TOP2B: variants seen among roughly 807,000 people sequenced by gnomAD.
TOP2B encodes DNA topoisomerase II beta.
Under a neutral mutation model 193.5 loss-of-function variants are expected in TOP2B, and 51 were observed. The ratio of observed to expected loss-of-function variants is 0.26; its 90% CI spans 0.21 to 0.33. TOP2B has a LOEUF of 0.33. Among genes scored for constraint, TOP2B ranks in the 10% least tolerant of loss-of-function variants. The pLI, the probability that TOP2B is intolerant of heterozygous loss-of-function variation, is 1.00. For synonymous variants in TOP2B, 634 were observed against 635.7 expected, an observed-to-expected ratio of 1.00 and a Z score of 0.04; for missense variants, 1,378 against 1,909.3, an observed-to-expected ratio of 0.72 and a Z score of 5.19.
chr3:25,598,237 A>AGTC lies in TOP2B; in HGVS notation c.*67_*69dup, dbSNP rs1281564320. The AGTC allele has an allele frequency of 2.0e-6, 3 of 1,464,066 alleles. No individual in the cohort carries two copies. The highest frequency in any genetic ancestry group is 2.8e-6 in the Non-Finnish European group (3 of 1,086,836). 90.7% of individuals were successfully genotyped at this position (1,464,066 alleles called of 1,614,324 possible). ...CATTAAAATAAGCCAGATGTACAAA[A>AGTC]GTCTGAGACAGAGAAGACAAAAGGA... On this transcript the variant is annotated 3_prime_UTR_variant, in exon 36 of 36. Transcript: ENST00000264331.
chr3:25,646,858 G>A (rs570010700), intron 1 of TOP2B, among the ~76,000 whole-genome samples: 21 of 151,980 alleles, frequency 1.4e-4, no homozygotes, highest in African/African-American at 3.9e-4. Flanking sequence ...AAACTCAAAC[G>A]TTAATTATAA....
chr3:25,649,883 A>C (rs1295526806), intron 1 of TOP2B, among the ~76,000 whole-genome samples: 1 of 152,150 alleles, frequency 6.6e-6, no homozygotes, highest in Non-Finnish European at 1.5e-5. Flanking sequence ...AAAAATAAAA[A>C]ATATAAATTT....
chr3:25,602,418 A>AAAAAAAAAAAAAAAAAG (rs1559490134), intron 33 of TOP2B, among the ~76,000 whole-genome samples: 1 of 105,042 alleles, frequency 9.5e-6, no homozygotes, highest in Non-Finnish European at 1.9e-5. Flanking sequence ...AAGAAAAAGA[A>AAAAAAAAAAAAAAAAAG]AAAAAAAAAA....
intron 25 of TOP2B, chr3:25,615,950 C>T (rs1050140454): frequency 1.3e-5 from 2 of 157,924 alleles, no homozygotes; most frequent in African/African-American, 4.8e-5. Flanking sequence ...GATTTTTATA[C>T]TGGTGAGTGA....
rs529559347 is a variant in TOP2B at position 25,664,378 on chromosome 3, C to A, written c.-81G>T. 2.1e-5 allele frequency: 28 copies of A among 1,356,464 alleles called. No homozygotes were observed. The East Asian group carries it at 3.5e-4, about 17-fold the overall frequency. The allele number at this position is 1,356,464 out of a possible 1,614,324, so 84.0% of individuals were successfully genotyped here. ...TGCGGGCCGCTGGGCCCCGCCGCTC[C>A]GCACCCACCGCTCCACTCGCCGCAC... On this transcript the variant is annotated 5_prime_UTR_variant, in exon 1 of 36. Transcript: ENST00000264331.
At chr3:25,645,538 A>G in intron 1 of TOP2B, 68 bp from the exon 2 acceptor site, 1 of 1,201,434 alleles carries the variant, frequency 8.3e-7, no homozygotes, top group Non-Finnish European at 1.1e-6. Context: ...TGGACACACG[A>G]CATGGGTTTT....
rs1357373192 is a variant in TOP2B at position 25,633,863 on chromosome 3, A to C, written c.1004T>G (p.Val335Gly). ...SEKGFQQISF[V>G]NSIATTKGGR... The stretch of plus-strand genomic sequence containing the variant: ...TACTTTTGTAGTTGCAATACTATTT[A>C]CAAAGCTGATTTGCTGGAATCCTTT... Residue 335 changes from valine to glycine, a missense_variant, in exon 8 of 36, where the codon GTA (valine) becomes GGA (glycine). Coordinates refer to ENST00000264331, the MANE Select transcript of TOP2B (RefSeq NM_001330700.2). 6.2e-7 allele frequency: 1 copy of C among 1,612,124 alleles called. No homozygotes were observed. Among genetic ancestry groups the C allele is most frequent in the Non-Finnish European group, 8.5e-7 (1 of 1,179,030 alleles).
chr3:25,661,450 A>G (rs1158935832), intron 1 of TOP2B, among the ~76,000 whole-genome samples: 3 of 152,238 alleles, frequency 2.0e-5, no homozygotes, highest in Non-Finnish European at 2.9e-5. Context: ...AAGTCATATA[A>G]CTGTATTCTA....
At position 25,598,334 on chromosome 3, in the gene TOP2B, A is replaced by ATCT. The variant is rs767895836; in HGVS notation, c.4851_4853dup (p.Glu1617dup). On this transcript the variant is annotated inframe_insertion, in exon 36 of 36. Coordinates refer to ENST00000264331, the MANE Select transcript of TOP2B (RefSeq NM_001330700.2). The stretch of plus-strand genomic sequence containing the variant: ...AATTAAACATTGCAAAATCAACATC[A>ATCT]TCTTCTTCTTCATCAGACTCTGCAA... The ATCT allele has an allele frequency of 5.0e-6, 8 of 1,610,408 alleles. No homozygotes were observed. Among genetic ancestry groups the ATCT allele is most frequent in the African/African-American group, 2.7e-5 (2 of 74,926 alleles).
In TOP2B at chr3:25,630,095, T is replaced by C. The variant is rs1251881428; in HGVS notation, c.1623A>G (p.Lys541=). Residue 541 remains lysine (K), a synonymous_variant, in exon 13 of 36, where the codon AAA becomes AAG. Transcript: ENST00000264331. ...TCAGAGATTCTGCATCATCGTAACT[T>C]TTCTTATATTGTAGACCAACTATTT... ...IIKIVGLQYK[K]SYDDAESLKT... 6.2e-7 allele frequency: 1 copy of C among 1,604,828 alleles called. No homozygotes were observed. Among genetic ancestry groups the C allele is most frequent in the African/African-American group, 1.3e-5 (1 of 74,724 alleles).
chr3:25,605,980 T>A, intron 32 of TOP2B, 63 bp downstream of exon 32: 1 of 919,146 alleles, frequency 1.1e-6, no homozygotes, highest in Non-Finnish European at 1.5e-6. Flanking sequence ...ATTTATTTAC[T>A]GTTTTCTCTC....
chr3:25,623,996 T>C (rs962683786), intron 20 of TOP2B, among the ~76,000 whole-genome samples: 5 of 152,318 alleles, frequency 3.3e-5, no homozygotes, highest in African/African-American at 1.2e-4. Flanking sequence ...TGATTTAATA[T>C]TGATAACTTT....
chr3:25,620,207 A>G, intron 22 of TOP2B, 145 bp from the exon 23 acceptor site: 1 of 611,132 alleles, frequency 1.6e-6, no homozygotes, highest in Non-Finnish European at 2.8e-6. Context: ...TCCAATCAGT[A>G]TAGAAGGCAA....
intron 33 of TOP2B, among the ~76,000 whole-genome samples, chr3:25,602,417 A>AAAAAAAAAAAAAAG (rs1702123776): frequency 7.2e-5 from 5 of 69,822 alleles, no homozygotes; most frequent in South Asian, 4.5e-4. Context: ...AAAGAAAAAG[A>AAAAAAAAAAAAAAG]AAAAAAAAAA....
chr3:25,623,821 CT>C, intron 20 of TOP2B, 75 bp from the exon 21 acceptor site: 1 of 867,266 alleles, frequency 1.2e-6, no homozygotes, highest in Non-Finnish European at 1.8e-6. Context: ...TAATTAAAAA[CT>C]TCACACTGCA....
intron 34 of TOP2B, 146 bp downstream of exon 34, chr3:25,600,954 C>A (rs1309658818): frequency 1.9e-5 from 15 of 769,360 alleles, no homozygotes; most frequent in Non-Finnish European, 2.8e-5. Flanking sequence ...ATATTCAGCA[C>A]TGATTCCTAG....
At chr3:25,615,673 A>G in intron 25 of TOP2B, 87 bp from the exon 26 acceptor site, 2 of 1,140,616 alleles carry the variant, frequency 1.8e-6, no homozygotes, top group East Asian at 2.8e-5. Flanking sequence ...TTAAAATTCT[A>G]CAAGTGCTAC....
intron 23 of TOP2B, among the ~76,000 whole-genome samples, chr3:25,619,076 T>C (rs538467633): frequency 6.6e-6 from 1 of 152,194 alleles, no homozygotes; most frequent in South Asian, 2.1e-4. Context: ...ACAACAAAAG[T>C]ATTTAGGAAT....
chr3:25,646,618 T>A (rs1703422022), intron 1 of TOP2B, among the ~76,000 whole-genome samples: 1 of 152,094 alleles, frequency 6.6e-6, no homozygotes, highest in South Asian at 2.1e-4. Context: ...AAAGACACAA[T>A]GAGAATTAAA....
Sources: gnomAD v4.1 joint callset for allele counts (sites outside exome capture counted in the v4.1 genomes callset) on GRCh38, gnomAD v4.1.1 for gene constraint, MANE v1.5 for transcripts, NCBI Gene and HGNC (gene_info 2026-07-23, HGNC 2026-07-21) for gene names.